The following TMEM71 variants were observed in gnomAD, a reference collection of about 807,000 sequenced individuals.
The protein encoded by TMEM71 is transmembrane protein 71.
In TMEM71, 44 loss-of-function variants were observed where a neutral mutation model predicts 38.0. The observed-to-expected ratio is 1.16, with a 90% CI of 0.91 to 1.49. TMEM71 has a LOEUF of 1.49. Ranked by LOEUF, TMEM71 falls within the 40% of genes most tolerant of loss-of-function variation. TMEM71 has a pLI of 0.00. For missense variants in TMEM71, 367 were observed against 348.6 expected (o/e 1.05, Z -0.42); for synonymous variants, 133 against 122.5 (o/e 1.09, Z -0.56).
chr8:132,709,177 A>G (rs1001901803), downstream of TMEM71, among the ~76,000 whole-genome samples: 4 of 152,252 alleles, frequency 2.6e-5, no homozygotes, highest in Non-Finnish European at 5.9e-5. Flanking sequence ...GGAAATGTAG[A>G]AATTCTCAAT....
At chr8:132,725,826 G>T (rs576452301) in intron 6 of TMEM71, among the ~76,000 whole-genome samples, 27 of 152,164 alleles carry the variant, frequency 1.8e-4, no homozygotes, top group Non-Finnish European at 3.1e-4. Flanking sequence ...TTGAGGAAGA[G>T]TAGGAGGCCA....
the TMEM71 span, among the ~76,000 whole-genome samples, chr8:132,767,135 G>C: frequency 8.5e-3 from 1,287 of 152,230 alleles, 22 homozygotes; most frequent in African/African-American, 0.029. Flanking sequence ...TGCTCCTCAG[G>C]GGTATTAACT....
At chr8:132,758,704 C>A in intron 2 of TMEM71, 136 bp downstream of exon 2, 3 of 684,278 alleles carry the variant, frequency 4.4e-6, no homozygotes, top group South Asian at 1.8e-5. Context: ...CCAAAGTGAA[C>A]ACTGGCATTT....
chr8:132,746,822 G>T (rs1828413567), intron 5 of TMEM71, 120 bp downstream of exon 5: 1 of 710,286 alleles, frequency 1.4e-6, no homozygotes, highest in African/African-American at 1.8e-5. Context: ...TTAAAAATGT[G>T]GCCCATCTCT....
intron 3 of TMEM71, among the ~76,000 whole-genome samples, chr8:132,754,118 G>A (rs1042156191): frequency 2.0e-5 from 3 of 152,058 alleles, no homozygotes; most frequent in Non-Finnish European, 2.9e-5. Flanking sequence ...ATAGAACCCA[G>A]CCCTTTAGGT....
chr8:132,711,166 C>T (rs536802966), intron 9 of TMEM71, among the ~76,000 whole-genome samples, 184 bp from the exon 10 acceptor site: 115 of 152,200 alleles, frequency 7.6e-4, no homozygotes, highest in African/African-American at 2.6e-3. Context: ...TTCGTTTTTG[C>T]TTTTATCCCA....
chr8:132,766,668 G>A, the TMEM71 span, among the ~76,000 whole-genome samples: 1 of 151,948 alleles, frequency 6.6e-6, no homozygotes, highest in Admixed American at 6.6e-5. Flanking sequence ...GCTTAAGCCT[G>A]TGGTCCCAAC....
intron 4 of TMEM71, among the ~76,000 whole-genome samples, chr8:132,750,977 CT>C (rs2131176514): frequency 6.6e-6 from 1 of 152,284 alleles, no homozygotes; most frequent in African/African-American, 2.4e-5. Flanking sequence ...TGCTTTTAAT[CT>C]GTGGATACCT....
rs112551918 is a variant in TMEM71, at chr8:132,724,100, C to A, written c.677-1985G>T. On this transcript the variant is annotated intron_variant, in intron 6 of 9. Transcript: ENST00000677595. The stretch of plus-strand genomic sequence containing the variant: ...AAAGGGCAAAAAGGAGAACAAAGAT[C>A]ACATGCTTCTGAGGAAACAGGGACA... Among the ~76,000 whole-genome samples the A allele has an allele frequency of 5.4e-3, 820 of 152,304 alleles. 6 individuals carry two copies. Among genetic ancestry groups the A allele is most frequent in the African/African-American group, 0.018 (766 of 41,564 alleles).
At chr8:132,708,609 G>A (rs958701312), downstream of TMEM71, among the ~76,000 whole-genome samples, 4 of 152,210 alleles carry the variant, frequency 2.6e-5, no homozygotes, top group African/African-American at 9.6e-5. Flanking sequence ...CACTGGGGAA[G>A]GCCTTAGCCA....
At chr8:132,708,924 C>T (rs984926426), downstream of TMEM71, among the ~76,000 whole-genome samples, 3 of 152,040 alleles carry the variant, frequency 2.0e-5, no homozygotes, top group African/African-American at 7.2e-5. Flanking sequence ...TTGTAAGGCT[C>T]ATTTTGGACT....
rs111465229 is a variant in TMEM71, at chr8:132,719,194, C to T, written c.752+2846G>A. Among the ~76,000 whole-genome samples the T allele has an allele frequency of 3.0e-3, 450 of 152,282 alleles. 2 individuals carry two copies. The highest frequency in any genetic ancestry group is 0.01 in the African/African-American group (417 of 41,562). ...GGTTGTCCTTTTCAGTATATACCCT[C>T]GGAATTAATCACTATTCTTACATCT... On this transcript the variant is annotated intron_variant, in intron 7 of 9. Transcript: ENST00000677595.
At chr8:132,741,638 T>C (rs2467965) in intron 5 of TMEM71, among the ~76,000 whole-genome samples, 43,810 of 149,564 alleles carry the variant, frequency 0.29, 6,715 homozygotes, top group Non-Finnish European at 0.33. Flanking sequence ...AGACAGCTTA[T>C]GCCATTATTT....
intron 5 of TMEM71, among the ~76,000 whole-genome samples, chr8:132,741,294 C>T (rs986043934): frequency 4.6e-5 from 7 of 152,102 alleles, no homozygotes; most frequent in Non-Finnish European, 7.4e-5. Context: ...ACCAGGGAGA[C>T]GGAGGTTGCA....
At chr8:132,727,132 C>T (rs931277594) in intron 6 of TMEM71, among the ~76,000 whole-genome samples, 1 of 152,182 alleles carries the variant, frequency 6.6e-6, no homozygotes, top group African/African-American at 2.4e-5. Flanking sequence ...ACTGAGATTA[C>T]AGGTGTGAGC....
intron 5 of TMEM71, among the ~76,000 whole-genome samples, chr8:132,740,318 A>G (rs367651902): frequency 1.3e-4 from 20 of 152,306 alleles, no homozygotes; most frequent in South Asian, 6.2e-4. Flanking sequence ...TTTTAAGCCA[A>G]TGCTCAAAAG....
At chr8:132,711,318 T>C (rs1468383590) in intron 9 of TMEM71, among the ~76,000 whole-genome samples, 1 of 152,156 alleles carries the variant, frequency 6.6e-6, no homozygotes, top group African/African-American at 2.4e-5. Context: ...ATTATATCAG[T>C]ATTTTAATTG....
chr8:132,713,208 T>TTTTTTTTTTTTTTTTTTTTTTTTGAG (rs1453599264), intron 9 of TMEM71, among the ~76,000 whole-genome samples: 1 of 151,280 alleles, frequency 6.6e-6, no homozygotes, highest in African/African-American at 2.5e-5. Flanking sequence ...TTCGATTTTC[T>TTTTTTTTTTTTTTTTTTTTTTTTGAG]AAATATCAGG....
At chr8:132,727,754 A>G (rs1563746715) in intron 6 of TMEM71, 44 bp downstream of exon 6, 1 of 1,501,264 alleles carries the variant, frequency 6.7e-7, no homozygotes, top group Non-Finnish European at 9.0e-7. Flanking sequence ...TCTGAAAGGA[A>G]GAATTCTTTG....
Sources: gnomAD v4.1 joint callset for allele counts (sites outside exome capture counted in the v4.1 genomes callset) on GRCh38, gnomAD v4.1.1 for gene constraint, MANE v1.5 for transcripts, NCBI Gene and HGNC (gene_info 2026-07-23, HGNC 2026-07-21) for gene names.